The following CACNA1B variants were observed in gnomAD, a reference collection of about 807,000 sequenced individuals.
CACNA1B encodes the protein voltage-dependent N-type calcium channel subunit alpha-1B.
A neutral mutation model predicts 247.2 loss-of-function variants in CACNA1B; 70 were observed. The observed-to-expected ratio is 0.28, with a 90% CI of 0.23 to 0.35. The LOEUF is 0.35. Ranked by LOEUF, CACNA1B falls within the 10% of genes least tolerant of loss-of-function variation. CACNA1B has a pLI of 1.00. For missense variants in CACNA1B, 2,367 were observed against 3,197.4 expected (o/e 0.74, Z 6.26); for synonymous variants, 1,231 against 1,294.4 (o/e 0.95, Z 1.05).
At chr9:137,938,352 T>A (rs141355416) in intron 6 of CACNA1B, among the ~76,000 whole-genome samples, 2,467 of 152,226 alleles carry the variant, frequency 0.016, 54 homozygotes, top group African/African-American at 0.052. Context: ...ATAACAATTT[T>A]AAAAACCCAA....
At chr9:137,925,038 G>A (rs911881459) in intron 6 of CACNA1B, among the ~76,000 whole-genome samples, 1 of 152,210 alleles carries the variant, frequency 6.6e-6, no homozygotes, top group Non-Finnish European at 1.5e-5. Context: ...ACCCGTGTCT[G>A]GTTTGTGCCT....
intron 6 of CACNA1B, among the ~76,000 whole-genome samples, chr9:137,940,694 C>T (rs1470601638): frequency 6.6e-6 from 1 of 152,110 alleles, no homozygotes; most frequent in Admixed American, 6.5e-5. Context: ...CTGAATACAA[C>T]AGTATATCAA....
At chr9:138,009,432 A>G (rs1330130689) in intron 16 of CACNA1B, among the ~76,000 whole-genome samples, 1 of 152,240 alleles carries the variant, frequency 6.6e-6, no homozygotes, top group African/African-American at 2.4e-5. Context: ...AGGGGAAGGT[A>G]GCACTAGGTG....
rs1434615724 is a variant in CACNA1B at position 138,043,807 on chromosome 9, G to A, written c.3320G>A (p.Gly1107Glu). 5 of 1,613,830 alleles carry A rather than the reference G, an allele frequency of 3.1e-6. No individual in the cohort carries two copies. The African/African-American group carries it at 6.7e-5, about 22-fold the overall frequency. The change falls in exon 21 of 47, where the codon GGG (glycine) becomes GAG (glutamate). Residue 1107 changes from glycine to glutamate, a missense_variant. Coordinates refer to ENST00000371372, the MANE Select transcript of CACNA1B (RefSeq NM_000718.4). Reference sequence around the variant, plus strand: ...GTGGACCTGGAAAGCCAAGCAGAGGGGAAGAAGGAGGTGGAAGCGGATGAC... The same window carrying A: ...GTGGACCTGGAAAGCCAAGCAGAGGAGAAGAAGGAGGTGGAAGCGGATGAC... ...GNVDLESQAE[G>E]KKEVEADDVM...
intron 18 of CACNA1B, chr9:138,017,112 T>C (rs749166517): frequency 5.8e-6 from 3 of 518,816 alleles, no homozygotes; most frequent in Non-Finnish European, 7.7e-6. Context: ...TTCTCACTTC[T>C]GTCTGTTCTG....
intron 38 of CACNA1B, among the ~76,000 whole-genome samples, chr9:138,104,930 C>T (rs543576811): frequency 6.6e-6 from 1 of 152,374 alleles, no homozygotes; most frequent in South Asian, 2.1e-4. Flanking sequence ...GAGCTCGTCT[C>T]CAGCTGTTCT....
In CACNA1B at chr9:138,012,647, G is replaced by A. The variant is rs1202407766; in HGVS notation, c.2161-482G>A. Among the ~76,000 whole-genome samples, 3 of 151,852 alleles carry A rather than the reference G, an allele frequency of 2.0e-5. No individual in the cohort carries two copies. Among genetic ancestry groups the A allele is most frequent in the Non-Finnish European group, 4.4e-5 (3 of 67,964 alleles). On this transcript the variant is annotated intron_variant, in intron 17 of 46. Coordinates refer to ENST00000371372, the MANE Select transcript of CACNA1B (RefSeq NM_000718.4). This position sits in a 1 kb window ranked among gnomAD's most constrained non-coding sequence, Gnocchi z 4.2. The stretch of plus-strand genomic sequence containing the variant: ...GAGGATCACTTAAGCCTGGGAGGTC[G>A]AGGCTGCAGTGAGCTGAGATTGAGC...
intron 6 of CACNA1B, among the ~76,000 whole-genome samples, chr9:137,918,374 G>A (rs1344915182): frequency 1.3e-5 from 2 of 152,100 alleles, no homozygotes; most frequent in Non-Finnish European, 2.9e-5. Context: ...GAGCTACCAG[G>A]GCATGAGAAT....
intron 6 of CACNA1B, among the ~76,000 whole-genome samples, chr9:137,930,060 G>A (rs912788190): frequency 6.6e-6 from 1 of 152,162 alleles, no homozygotes; most frequent in Admixed American, 6.5e-5. Flanking sequence ...GCCTCTCAAA[G>A]CTCTGGGATT....
chr9:138,051,369 C>G lies in CACNA1B; in HGVS notation c.3711-723C>G, dbSNP rs1241972332. ...TGTGCCTGGAATTTTCTTTCCCCGACTTCCTGCCTTGCCGTCCCTGCTCTG... is the reference window on the plus strand; with the variant it reads ...TGTGCCTGGAATTTTCTTTCCCCGAGTTCCTGCCTTGCCGTCCCTGCTCTG... On this transcript the variant is annotated intron_variant, in intron 24 of 46. Coordinates refer to ENST00000371372, the MANE Select transcript of CACNA1B (RefSeq NM_000718.4). The surrounding 1 kb of genome is among the most constrained non-coding windows in gnomAD (Gnocchi z 4.3). 1.3e-5 allele frequency among the ~76,000 whole-genome samples: 2 copies of G among 151,774 alleles called. No individual in the cohort carries two copies. Among genetic ancestry groups the G allele is most frequent in the Non-Finnish European group, 2.9e-5 (2 of 67,980 alleles).
intron 6 of CACNA1B, among the ~76,000 whole-genome samples, chr9:137,948,999 G>T (rs1418349755): frequency 6.9e-6 from 1 of 145,820 alleles, no homozygotes; most frequent in Non-Finnish European, 1.5e-5. Context: ...GGTGTTTGGT[G>T]TGTGTATGTG....
At position 138,012,797 on chromosome 9, in the gene CACNA1B, C is replaced by T. The variant is rs141685394; in HGVS notation, c.2161-332C>T. Among the ~76,000 whole-genome samples the T allele has an allele frequency of 3.0e-4, 45 of 151,860 alleles. No individual in the cohort carries two copies. The East Asian group carries it at 8.6e-3, about 29-fold the overall frequency. ...GTGGCTGGGTACCTGGGTTAGAGCT[C>T]AGAGTAAGGTCAGGATAGCACAGAG... On this transcript the variant is annotated intron_variant, in intron 17 of 46. Coordinates refer to ENST00000371372, the MANE Select transcript of CACNA1B (RefSeq NM_000718.4). This position sits in a 1 kb window ranked among gnomAD's most constrained non-coding sequence, Gnocchi z 4.2.
At position 137,971,873 on chromosome 9, in the gene CACNA1B, G is replaced by A. The variant is rs911592108; in HGVS notation, c.1543+281G>A. On this transcript the variant is annotated intron_variant, in intron 11 of 46. Coordinates refer to ENST00000371372, the MANE Select transcript of CACNA1B (RefSeq NM_000718.4). The surrounding 1 kb of genome is among the most constrained non-coding windows in gnomAD (Gnocchi z 4.4). The stretch of plus-strand genomic sequence containing the variant: ...TAGTGTGAGACTGGTTGAGGGGTCC[G>A]AGGCACCCAGGGCAGGATATATGTG... 7.9e-5 allele frequency among the ~76,000 whole-genome samples: 12 copies of A among 152,120 alleles called. No individual in the cohort carries two copies. The highest frequency in any genetic ancestry group is 1.6e-4 in the Non-Finnish European group (11 of 68,006).
In CACNA1B at chr9:138,020,516, C is replaced by T. The variant is rs1288783618; in HGVS notation, c.2268-2495C>T. ...AGACACCATGCAGAGAGGCCCGGCA[C>T]GCAGATTCAGAGACCTAGGGGATAC... is the stretch of plus-strand genomic sequence containing the variant. On this transcript the variant is annotated intron_variant, in intron 18 of 46. Coordinates refer to ENST00000371372, the MANE Select transcript of CACNA1B (RefSeq NM_000718.4). This position sits in a 1 kb window ranked among gnomAD's most constrained non-coding sequence, Gnocchi z 4.1. 1.3e-5 allele frequency among the ~76,000 whole-genome samples: 2 copies of T among 152,128 alleles called. No individual in the cohort carries two copies. The highest frequency in any genetic ancestry group is 4.8e-5 in the African/African-American group (2 of 41,422).
intron 18 of CACNA1B, among the ~76,000 whole-genome samples, chr9:138,013,965 C>A (rs946239260): frequency 6.6e-6 from 1 of 152,244 alleles, no homozygotes; most frequent in Non-Finnish European, 1.5e-5. Context: ...CCACTAGCTC[C>A]GTCTGGCTGC....
intron 20 of CACNA1B, among the ~76,000 whole-genome samples, chr9:138,030,369 T>A (rs1958974213): frequency 6.6e-6 from 1 of 152,180 alleles, no homozygotes; most frequent in Admixed American, 6.5e-5. Context: ...GTGTGTTTTT[T>A]CTGTTATATG....
Position 138,120,370 on chromosome 9 carries a change from G to A in CACNA1B, c.6236G>A (p.Gly2079Asp), listed in dbSNP as rs1035537297. 6 of 1,548,502 alleles carry A rather than the reference G, an allele frequency of 3.9e-6. No homozygotes were observed. Among genetic ancestry groups the A allele is most frequent in the Non-Finnish European group, 5.2e-6 (6 of 1,153,666 alleles). ...CCCAGCCTGTCTGCCGATATGGATG[G>A]CGGTGCGTGCGGAGGGGCCCGGGGA... Reference protein sequence around the residue: ...KGPSLSADMDGAPSSAVGPGL... With the variant: ...KGPSLSADMDDAPSSAVGPGL... The change falls in exon 45 of 47, where the codon GGC (glycine) becomes GAC (aspartate). Residue 2079 changes from glycine to aspartate, a missense_variant and splice_region_variant. Physicochemically the swap from Gly to Asp is moderately conservative, Grantham distance 94 (BLOSUM62 -1). Around this residue, in one of 12 missense-constraint regions of CACNA1B, gnomAD observed 773 missense variants for 779.4 expected, o/e 0.99. Transcript: ENST00000371372.
In CACNA1B at chr9:138,035,362, G is replaced by A. The variant is rs531898550; in HGVS notation, c.3287-8412G>A. On this transcript the variant is annotated intron_variant, in intron 20 of 46. Transcript: ENST00000371372. The stretch of plus-strand genomic sequence containing the variant: ...TAATCCTAGCAACTTGGGAGGCTGA[G>A]GCAAGAGAATCTCTTGAACCCAGGA... Among the ~76,000 whole-genome samples, 68 of 152,190 alleles carry A rather than the reference G, an allele frequency of 4.5e-4. 1 individual carries two copies. Among genetic ancestry groups the A allele is most frequent in the Admixed American group, 8.5e-4 (13 of 15,284 alleles).
Position 137,955,942 on chromosome 9 carries a change from G to C in CACNA1B, c.1186+129G>C. On this transcript the variant is annotated intron_variant, in intron 8 of 46. Transcript: ENST00000371372. The surrounding 1 kb of genome is among the most constrained non-coding windows in gnomAD (Gnocchi z 6.9). ...GCCTGAAGGGATTTTGTAGTGAGCAGAGTGAGAAGGGATTTCTCTCTAGCT... is the reference window on the plus strand; with the variant it reads ...GCCTGAAGGGATTTTGTAGTGAGCACAGTGAGAAGGGATTTCTCTCTAGCT... 1.5e-6 allele frequency: 1 copy of C among 688,680 alleles called. No individual in the cohort carries two copies. The allele number at this position is 688,680 out of a possible 1,614,324, so 42.7% of individuals were successfully genotyped here.
Sources: allele counts gnomAD v4.1 joint callset (sites outside exome capture counted in the v4.1 genomes callset), GRCh38; gene constraint gnomAD v4.1.1; regional missense constraint gnomAD v4.1.1; non-coding constraint Gnocchi (gnomAD v3.1); transcripts MANE v1.5; gene names NCBI Gene and HGNC (gene_info 2026-07-23, HGNC 2026-07-21).